The following CFAP20DC variants were observed in gnomAD, a reference collection of about 807,000 sequenced individuals.
CFAP20DC encodes protein CFAP20DC.
A neutral mutation model predicts 101.7 loss-of-function variants in CFAP20DC; 84 were observed. The observed-to-expected ratio is 0.83, with a 90% CI of 0.69 to 0.99. The LOEUF (loss-of-function observed/expected upper bound fraction) is 0.99, where lower values mean the gene tolerates loss of function less well. CFAP20DC is among the 50% of genes least tolerant of loss of function. The probability of loss-of-function intolerance (pLI) is 0.00; values close to 1 mark genes in which losing one functional copy is unlikely to be tolerated. For missense variants in CFAP20DC, 1,007 were observed against 970.3 expected (o/e 1.04, Z -0.50); for synonymous variants, 359 against 351.2 (o/e 1.02, Z -0.25).
chr3:58,754,641 C>T (rs369548426), intron 15 of CFAP20DC, among the ~76,000 whole-genome samples: 3 of 152,236 alleles, frequency 2.0e-5, no homozygotes, highest in African/African-American at 7.2e-5. Flanking sequence ...TTATCATTTA[C>T]CTTATTCTTC....
chr3:58,938,650 T>C (rs1400272786), intron 4 of CFAP20DC, among the ~76,000 whole-genome samples: 2 of 152,224 alleles, frequency 1.3e-5, no homozygotes, highest in African/African-American at 2.4e-5. Context: ...TCAATATTTA[T>C]AGTGTAATTA....
chr3:58,757,373 C>T (rs530612226), intron 15 of CFAP20DC, among the ~76,000 whole-genome samples: 1 of 148,658 alleles, frequency 6.7e-6, no homozygotes, highest in East Asian at 2.3e-4. Context: ...TGTGTACATA[C>T]ATACACACAC....
At chr3:58,885,157 A>T (rs1353207228) in intron 6 of CFAP20DC, among the ~76,000 whole-genome samples, 2 of 152,166 alleles carry the variant, frequency 1.3e-5, no homozygotes, top group African/African-American at 4.8e-5. Context: ...TTTTTAACTT[A>T]TTTGAAATAA....
Position 58,914,135 on chromosome 3 carries a change from ACT to A in CFAP20DC, c.394-273_394-272del, listed in dbSNP as rs764141553. Among the ~76,000 whole-genome samples, 6 of 152,136 alleles carry A rather than the reference ACT, an allele frequency of 3.9e-5. No homozygotes were observed. Among genetic ancestry groups the A allele is most frequent in the African/African-American group, 1.2e-4 (5 of 41,442 alleles). On this transcript the variant is annotated intron_variant, in intron 5 of 16. Coordinates refer to ENST00000482387, the MANE Select transcript of CFAP20DC (RefSeq NM_001394063.1). This position sits in a 1 kb window ranked among gnomAD's most constrained non-coding sequence, Gnocchi z 4.9. The stretch of plus-strand genomic sequence containing the variant: ...AAGACTATGACAACTTTGGGAAATA[ACT>A]CTCTATCTGTAGGCAGTATGCCAGC...
chr3:58,944,819 A>C (rs144051813), intron 4 of CFAP20DC, among the ~76,000 whole-genome samples: 1 of 152,234 alleles, frequency 6.6e-6, no homozygotes, highest in Non-Finnish European at 1.5e-5. Context: ...GATCCTGTGT[A>C]AGGCCTTCCA....
At chr3:58,977,390 A>G (rs1037667595) in intron 4 of CFAP20DC, among the ~76,000 whole-genome samples, 1 of 152,246 alleles carries the variant, frequency 6.6e-6, no homozygotes, top group African/African-American at 2.4e-5. Flanking sequence ...AAGGCTTACA[A>G]TCAGAATTAA....
At chr3:58,851,309 C>T (rs2108326693) in intron 12 of CFAP20DC, among the ~76,000 whole-genome samples, 2 of 152,198 alleles carry the variant, frequency 1.3e-5, no homozygotes, top group Middle Eastern at 6.8e-3. Flanking sequence ...AATCAGTAGA[C>T]TATTGTATTG....
At chr3:58,753,416 G>A (rs116637218) in intron 16 of CFAP20DC, among the ~76,000 whole-genome samples, 1,860 of 152,242 alleles carry the variant, frequency 0.012, 41 homozygotes, top group African/African-American at 0.042. Context: ...ACTATTATTC[G>A]TGTTATTTTA....
intron 14 of CFAP20DC, among the ~76,000 whole-genome samples, chr3:58,820,736 T>G (rs1161333049): frequency 1.9e-4 from 28 of 147,446 alleles, no homozygotes; most frequent in African/African-American, 6.6e-4. Flanking sequence ...ATTTACAGAT[T>G]CAATGCCATC....
In CFAP20DC at chr3:58,946,460, T is replaced by C. The variant is rs566597985; in HGVS notation, c.279-8698A>G. On this transcript the variant is annotated intron_variant, in intron 4 of 16. Transcript: ENST00000482387. ...GTCCATTCTTCATGTGGACCAGCCATGGAGACTGAATGTCACCCCTAAGTT... is the reference window on the plus strand; with the variant it reads ...GTCCATTCTTCATGTGGACCAGCCACGGAGACTGAATGTCACCCCTAAGTT... 6.6e-5 allele frequency among the ~76,000 whole-genome samples: 10 copies of C among 152,306 alleles called. No homozygotes were observed. The South Asian group carries it at 1.5e-3, about 22-fold the overall frequency.
intron 15 of CFAP20DC, among the ~76,000 whole-genome samples, chr3:58,755,544 C>G (rs1388294992): frequency 1.3e-5 from 2 of 152,166 alleles, no homozygotes; most frequent in Non-Finnish European, 2.9e-5. Flanking sequence ...GTAGGAGCTA[C>G]CCCAGTGGGG....
rs1177523484 is a variant in CFAP20DC at position 59,007,843 on chromosome 3, G to C, written c.278+31714C>G. Among the ~76,000 whole-genome samples the C allele has an allele frequency of 1.3e-5, 2 of 152,308 alleles. No homozygotes were observed. The highest frequency in any genetic ancestry group is 1.3e-4 in the Admixed American group (2 of 15,306). ...GAGCACCCTATCAAGGAAAAACCCT[G>C]TGGGACAAAAAACTCTGAACAGCAG... On this transcript the variant is annotated intron_variant, in intron 4 of 16. Transcript: ENST00000482387. The surrounding 1 kb of genome is among the most constrained non-coding windows in gnomAD (Gnocchi z 4.4).
At chr3:58,921,597 C>A (rs1005964285) in intron 5 of CFAP20DC, among the ~76,000 whole-genome samples, 1 of 152,110 alleles carries the variant, frequency 6.6e-6, no homozygotes, top group South Asian at 2.1e-4. Flanking sequence ...TAGCACAGGG[C>A]ATCCTATGTA....
chr3:58,731,160 G>T lies in CFAP20DC; in HGVS notation c.198-13532C>A, dbSNP rs538008850. ...AAACTTTCCTTTCGTGGATGTGGCT[G>T]TATCCCTTATCAGTTGTAGTCTTCA... On this transcript the variant is annotated intron_variant, in intron 3 of 3. Coordinates refer to the CFAP20DC transcript ENST00000486145. Among the ~76,000 whole-genome samples, 13 of 152,384 alleles carry T rather than the reference G, an allele frequency of 8.5e-5. No individual in the cohort carries two copies. In the East Asian group the frequency reaches 1.7e-3, roughly 20 times the overall value.
chr3:58,778,918 C>T (rs557018200), intron 15 of CFAP20DC, among the ~76,000 whole-genome samples: 2 of 152,316 alleles, frequency 1.3e-5, no homozygotes, highest in South Asian at 4.1e-4. Flanking sequence ...AGAATCAAAG[C>T]CAAGTGTCCC....
intron 4 of CFAP20DC, among the ~76,000 whole-genome samples, chr3:58,973,158 A>T (rs977983393): frequency 6.6e-6 from 1 of 152,164 alleles, no homozygotes; most frequent in Non-Finnish European, 1.5e-5. Flanking sequence ...ATATGTTCAT[A>T]ACTCAATCTA....
intron 4 of CFAP20DC, among the ~76,000 whole-genome samples, chr3:58,979,734 A>C (rs1248720301): frequency 6.6e-6 from 1 of 151,926 alleles, no homozygotes; most frequent in Non-Finnish European, 1.5e-5. Flanking sequence ...GAAATGCCTC[A>C]TTTTCTGAAC....
chr3:58,790,298 T>TCC, intron 15 of CFAP20DC, among the ~76,000 whole-genome samples: 1 of 152,218 alleles, frequency 6.6e-6, no homozygotes, highest in East Asian at 1.9e-4. Context: ...TTCTCAGTTG[T>TCC]ATATCTTTGA....
chr3:58,757,889 A>G (rs2069113644), intron 15 of CFAP20DC, among the ~76,000 whole-genome samples: 1 of 152,192 alleles, frequency 6.6e-6, no homozygotes, highest in African/African-American at 2.4e-5. Flanking sequence ...GCATTTACAA[A>G]GTATAATGTA....
Sources: gnomAD v4.1 joint callset for allele counts (sites outside exome capture counted in the v4.1 genomes callset) on GRCh38, gnomAD v4.1.1 for gene constraint, Gnocchi (gnomAD v3.1) non-coding constraint, MANE v1.5 for transcripts, NCBI Gene and HGNC (gene_info 2026-07-23, HGNC 2026-07-21) for gene names.